CAMTA1: variants seen among roughly 807,000 people sequenced by gnomAD.
CAMTA1 encodes the protein calmodulin-binding transcription activator 1.
Under a neutral mutation model 170.9 loss-of-function variants are expected in CAMTA1, and 27 were observed. That is an observed-to-expected ratio of 0.16 (90% CI 0.12 to 0.22). The LOEUF (loss-of-function observed/expected upper bound fraction) is 0.22. Among genes scored for constraint, CAMTA1 ranks in the 10% least tolerant of loss-of-function variants. The pLI is 1.00. For missense variants in CAMTA1, 1,619 were observed against 2,217.2 expected (o/e 0.73, Z 5.42); for synonymous variants, 833 against 891.5 (o/e 0.93, Z 1.17).
intron 4 of CAMTA1, among the ~76,000 whole-genome samples, chr1:7,132,073 G>A (rs571507566): frequency 3.4e-4 from 49 of 142,102 alleles, no homozygotes; most frequent in South Asian, 1.6e-3. Flanking sequence ...ACACACACAC[G>A]CACACACACT....
chr1:7,492,040 C>T lies in CAMTA1; in HGVS notation c.510+24139C>T, dbSNP rs2093710465. ...TCTAAACAGGAGGCTCAAGGCCACT[C>T]CCTGGCTCTAGGGTGGAGTCGAGGA... On this transcript the variant is annotated intron_variant, in intron 6 of 22. Transcript: ENST00000303635. Among the ~76,000 whole-genome samples the T allele has an allele frequency of 2.6e-5, 4 of 152,150 alleles. No individual in the cohort carries two copies. In the South Asian group the frequency reaches 8.3e-4, roughly 32 times the overall value.
chr1:7,464,493 T>C (rs1216454498), intron 5 of CAMTA1, among the ~76,000 whole-genome samples: 1 of 152,184 alleles, frequency 6.6e-6, no homozygotes. Context: ...AATGACCTTG[T>C]CATATGGCCT....
At chr1:7,098,255 A>G (rs1642323272) in intron 4 of CAMTA1, among the ~76,000 whole-genome samples, 1 of 152,232 alleles carries the variant, frequency 6.6e-6, no homozygotes. Context: ...GAAAAAGGAA[A>G]CTGGGTCAGC....
intron 6 of CAMTA1, among the ~76,000 whole-genome samples, chr1:7,553,845 G>A (rs2094841051): frequency 6.6e-6 from 1 of 152,190 alleles, no homozygotes; most frequent in African/African-American, 2.4e-5. Flanking sequence ...GGCCTGAACA[G>A]CCACATGATG....
rs142532781 is a variant in CAMTA1, at chr1:7,418,684, G to A, written c.439-49146G>A. On this transcript the variant is annotated intron_variant, in intron 5 of 22. Transcript: ENST00000303635. ...GTGTCTCAAATATCAGGAGCCCAAAGCTGAGCCCCTGAACTTCCCCTCCTG... is the reference window on the plus strand; with the variant it reads ...GTGTCTCAAATATCAGGAGCCCAAAACTGAGCCCCTGAACTTCCCCTCCTG... Among the ~76,000 whole-genome samples the A allele has an allele frequency of 2.4e-3, 359 of 152,284 alleles. 1 individual carries two copies. Among genetic ancestry groups the A allele is most frequent in the African/African-American group, 7.8e-3 (324 of 41,534 alleles).
chr1:7,493,804 A>AT (rs2093780626), intron 6 of CAMTA1, among the ~76,000 whole-genome samples: 1 of 152,018 alleles, frequency 6.6e-6, no homozygotes, highest in Non-Finnish European at 1.5e-5. Flanking sequence ...CTGTTGGGAG[A>AT]TTTTGTAGTC....
At chr1:7,091,167 C>G in intron 3 of CAMTA1, 137 bp from the exon 4 acceptor site, 1 of 692,716 alleles carries the variant, frequency 1.4e-6, no homozygotes, top group Non-Finnish European at 2.6e-6. Context: ...GAGTCCAAGT[C>G]GAGTATTTCT....
chr1:6,970,001 A>G lies in CAMTA1; in HGVS notation c.235-121303A>G, dbSNP rs1692247223. 6.6e-6 allele frequency among the ~76,000 whole-genome samples: 1 copy of G among 152,166 alleles called. No homozygotes were observed. Among genetic ancestry groups the G allele is most frequent in the Non-Finnish European group, 1.5e-5 (1 of 68,032 alleles). ...ATTTGTGTCACCACCACCACAGTCA[A>G]GGTGCAGAATTGTTCCATCTCCACA... On this transcript the variant is annotated intron_variant, in intron 3 of 22. Transcript: ENST00000303635. The surrounding 1 kb of genome is among the most constrained non-coding windows in gnomAD (Gnocchi z 4.4).
chr1:7,018,264 ATTTTTATG>A (rs1273615362), intron 3 of CAMTA1, among the ~76,000 whole-genome samples: 1 of 151,994 alleles, frequency 6.6e-6, no homozygotes, highest in Non-Finnish European at 1.5e-5. Flanking sequence ...TCAAACAGGC[ATTTTTATG>A]GTCTCAAATG....
chr1:7,375,085 C>T (rs556731801), intron 5 of CAMTA1, among the ~76,000 whole-genome samples: 62 of 152,278 alleles, frequency 4.1e-4, no homozygotes, highest in African/African-American at 1.4e-3. Flanking sequence ...AACACTGTTT[C>T]GTTTCTTCCC....
rs543495963 is a variant in CAMTA1 at position 7,067,402 on chromosome 1, G to T, written c.235-23902G>T. Among the ~76,000 whole-genome samples the T allele has an allele frequency of 2.7e-5, 4 of 149,842 alleles. No homozygotes were observed. In the East Asian group the frequency reaches 7.7e-4, roughly 29 times the overall value. On this transcript the variant is annotated intron_variant, in intron 3 of 22. Transcript: ENST00000303635. This position sits in a 1 kb window ranked among gnomAD's most constrained non-coding sequence, Gnocchi z 4.3. ...AAACAGGCTTCAATGCAACCAATTA[G>T]GTTCTTACTTGCTGAATTCTTCTTC...
chr1:7,351,514 G>C (rs2084671353), intron 5 of CAMTA1, among the ~76,000 whole-genome samples: 1 of 152,212 alleles, frequency 6.6e-6, no homozygotes, highest in Non-Finnish European at 1.5e-5. Flanking sequence ...CAGCAGGTCG[G>C]GGGACCTCTG....
In CAMTA1 at chr1:6,965,781, G is replaced by A. The variant is rs929680220; in HGVS notation, c.235-125523G>A. Among the ~76,000 whole-genome samples, 9 of 152,196 alleles carry A rather than the reference G, an allele frequency of 5.9e-5. No individual in the cohort carries two copies. Among genetic ancestry groups the A allele is most frequent in the African/African-American group, 1.4e-4 (6 of 41,446 alleles). On this transcript the variant is annotated intron_variant, in intron 3 of 22. Transcript: ENST00000303635. This position sits in a 1 kb window ranked among gnomAD's most constrained non-coding sequence, Gnocchi z 4.1. ...ACAAAAGCTGCATTTGCATATCGCC[G>A]TGATGAGGTCTGGATGGAGCCTGAA...
chr1:7,421,824 A>ACCTATATCTCCT (rs6143106), intron 5 of CAMTA1, among the ~76,000 whole-genome samples: 2 of 151,952 alleles, frequency 1.3e-5, no homozygotes, highest in Non-Finnish European at 2.9e-5. Flanking sequence ...GACAGAGGGG[A>ACCTATATCTCCT]CCATACCCTC....
At chr1:7,165,392 CT>C (rs1385926038) in intron 4 of CAMTA1, among the ~76,000 whole-genome samples, 2 of 152,094 alleles carry the variant, frequency 1.3e-5, no homozygotes, top group African/African-American at 2.4e-5. Context: ...ATTTCCTTCC[CT>C]CTGGCCCCAG....
At chr1:7,705,383 GA>G (rs1270437452) in intron 11 of CAMTA1, among the ~76,000 whole-genome samples, 1 of 150,460 alleles carries the variant, frequency 6.6e-6, no homozygotes, top group Non-Finnish European at 1.5e-5. Context: ...GTGTTTGTGC[GA>G]GGGGCGTGTG....
At chr1:7,125,159 G>A (rs1383236508) in intron 4 of CAMTA1, among the ~76,000 whole-genome samples, 1 of 152,174 alleles carries the variant, frequency 6.6e-6, no homozygotes, top group East Asian at 1.9e-4. Context: ...ATGGAGGAGG[G>A]CACGCTGAGC....
chr1:7,188,558 A>G (rs901095984), intron 4 of CAMTA1, among the ~76,000 whole-genome samples: 1 of 152,222 alleles, frequency 6.6e-6, no homozygotes, highest in Non-Finnish European at 1.5e-5. Flanking sequence ...GTACCAATAC[A>G]TACAAGTATT....
intron 6 of CAMTA1, among the ~76,000 whole-genome samples, chr1:7,490,813 T>G (rs1231415862): frequency 6.6e-6 from 1 of 152,192 alleles, no homozygotes; most frequent in African/African-American, 2.4e-5. Flanking sequence ...GATCCTCTCC[T>G]TGATGCAGAA....
Sources: gnomAD v4.1 joint callset for allele counts (sites outside exome capture counted in the v4.1 genomes callset) on GRCh38, gnomAD v4.1.1 for gene constraint, Gnocchi (gnomAD v3.1) non-coding constraint, MANE v1.5 for transcripts, NCBI Gene and HGNC (gene_info 2026-07-23, HGNC 2026-07-21) for gene names.